Variants in FBXO27 observed in about 807,000 individuals in gnomAD.
FBXO27 encodes the protein F-box only protein 27.
FBXO27 carries 28 observed loss-of-function variants against 28.3 expected under a neutral mutation model. The ratio of observed to expected loss-of-function variants is 0.99; its 90% CI spans 0.73 to 1.36. The LOEUF (loss-of-function observed/expected upper bound fraction) is 1.36, where lower values mean the gene tolerates loss of function less well. Ranked by LOEUF, FBXO27 falls within the 40% of genes most tolerant of loss-of-function variation. FBXO27 has a pLI of 0.00. For missense variants in FBXO27, 388 were observed against 394.1 expected (o/e 0.98, Z 0.13); for synonymous variants, 175 against 167.3 (o/e 1.05, Z -0.36).
chr19:39,022,672 A>C (rs2072851107), downstream of FBXO27, among the ~76,000 whole-genome samples: 1 of 152,016 alleles, frequency 6.6e-6, no homozygotes, highest in Non-Finnish European at 1.5e-5. Flanking sequence ...GCTGGAGTTC[A>C]GTGGAGCGAT....
intron 4 of FBXO27, among the ~76,000 whole-genome samples, chr19:39,028,990 C>T (rs142377430): frequency 0.011 from 1,588 of 144,310 alleles, 34 homozygotes; most frequent in African/African-American, 0.039. Context: ...TGCAGTGAGC[C>T]GAGATCACGC....
downstream of FBXO27, among the ~76,000 whole-genome samples, chr19:39,020,049 C>A (rs1267499877): frequency 6.6e-6 from 1 of 151,982 alleles, no homozygotes; most frequent in Non-Finnish European, 1.5e-5. Flanking sequence ...CACACCTCGC[C>A]TGGTCATGAA....
chr19:39,017,431 C>T (rs1401438103), intron 1 of FBXO27, among the ~76,000 whole-genome samples: 2 of 152,060 alleles, frequency 1.3e-5, no homozygotes, highest in African/African-American at 2.4e-5. Context: ...TAGTAGCTCA[C>T]GCCTGTAATC....
At chr19:39,027,061 C>T in intron 4 of FBXO27, 56 bp from the exon 5 acceptor site, 1 of 1,605,998 alleles carries the variant, frequency 6.2e-7, no homozygotes, top group Non-Finnish European at 8.5e-7. Flanking sequence ...CTTTGGGTGT[C>T]TGCCTACCTT....
chr19:39,030,892 G>A (rs1388349335), intron 4 of FBXO27, 137 bp downstream of exon 4: 17 of 763,096 alleles, frequency 2.2e-5, no homozygotes, highest in Admixed American at 2.0e-4. Flanking sequence ...ATAGGTGTGA[G>A]CCACCATGGC....
chr19:39,012,426 C>T (rs1259318035), intron 2 of FBXO27, among the ~76,000 whole-genome samples: 1 of 151,526 alleles, frequency 6.6e-6, no homozygotes, highest in Non-Finnish European at 1.5e-5. Flanking sequence ...TCAGGAGATC[C>T]ACCCACCTCG....
At chr19:39,016,900 T>C (rs575239873) in intron 1 of FBXO27, among the ~76,000 whole-genome samples, 1 of 151,784 alleles carries the variant, frequency 6.6e-6, no homozygotes, top group Admixed American at 6.6e-5. Context: ...CAAGGGCTTA[T>C]TAGCAAACTA....
intron 2 of FBXO27, among the ~76,000 whole-genome samples, chr19:39,009,621 T>C (rs2072785341): frequency 6.6e-6 from 1 of 152,186 alleles, no homozygotes; most frequent in African/African-American, 2.4e-5. Flanking sequence ...TCAAGTCCTT[T>C]GCCCATTTGA....
chr19:39,030,734 G>C, intron 4 of FBXO27: 1 of 390,242 alleles, frequency 2.6e-6, no homozygotes, highest in South Asian at 2.8e-5. Flanking sequence ...TCCCAAGTAT[G>C]TGGGACTACA....
chr19:39,029,426 C>CA (rs35521168), intron 4 of FBXO27, among the ~76,000 whole-genome samples: 2,554 of 101,708 alleles, frequency 0.025, 139 homozygotes, highest in African/African-American at 0.085. Context: ...GACTCTGTCT[C>CA]AAAAAAAAAA....
Position 39,031,191 on chromosome 19 carries a change from G to A in FBXO27, c.476+18C>T, listed in dbSNP as rs1208701245. 1 of 1,613,568 alleles carries A rather than the reference G, an allele frequency of 6.2e-7. No individual in the cohort carries two copies. Among genetic ancestry groups the A allele is most frequent in the African/African-American group, 1.3e-5 (1 of 74,914 alleles). ...TTCTCAACAAGGGGCCGGACCTTTG[G>A]ATAGCAGGGGCATTCACCTGAATGA... On this transcript the variant is annotated intron_variant, in intron 3 of 5. Transcript: ENST00000292853.
At chr19:39,019,595 G>C (rs2072836180), downstream of FBXO27, among the ~76,000 whole-genome samples, 2 of 151,972 alleles carry the variant, frequency 1.3e-5, no homozygotes, top group South Asian at 4.1e-4. Context: ...AGGATGGTTT[G>C]ATAATTTTAA....
chr19:39,021,669 AT>A (rs71202491), downstream of FBXO27, among the ~76,000 whole-genome samples: 67 of 148,620 alleles, frequency 4.5e-4, no homozygotes, highest in African/African-American at 1.3e-3. Flanking sequence ...TTATACTCAG[AT>A]TTTTTTTTTT....
chr19:39,031,886 A>T lies in FBXO27; in HGVS notation c.342T>A (p.Leu114=). 6.7e-7 allele frequency: 1 copy of T among 1,491,192 alleles called. No individual in the cohort carries two copies. Among genetic ancestry groups the T allele is most frequent in the Non-Finnish European group, 8.8e-7 (1 of 1,131,756 alleles). The allele number at this position is 1,491,192 out of a possible 1,614,324, so 92.4% of individuals were successfully genotyped here. A position where few individuals can be genotyped will look rare whatever the true frequency, so the allele number is the denominator to read the frequency against. ...CACCTTGGCCGCAGGGGTTGCGAAT[A>T]AGGTTGCGTCCGATGGGTCTGCGCG... ...FCARRPIGRN[L]IRNPCGQEGL... The change falls in exon 2 of 6, where the codon CTT becomes CTA. Residue 114 remains leucine, a synonymous_variant. Coordinates refer to ENST00000292853, the MANE Select transcript of FBXO27 (RefSeq NM_178820.5).
Position 39,026,911 on chromosome 19 carries a change from G to A in FBXO27, c.667C>T (p.Pro223Ser), listed in dbSNP as rs1320704648. ...QTVLDKFSAVPDPIPQWNNNA... is the reference protein window; with the variant it reads ...QTVLDKFSAVSDPIPQWNNNA... The stretch of plus-strand genomic sequence containing the variant: ...TTGTTCCACTGCGGGATGGGATCAG[G>A]CACAGCAGAGAATTTATCTAGAACA... Residue 223 changes from proline to serine, a missense_variant, in exon 5 of 6, where the codon CCT (proline) becomes TCT (serine). Physicochemically the swap from Pro to Ser is moderately conservative, Grantham distance 74. Coordinates refer to ENST00000292853, the MANE Select transcript of FBXO27 (RefSeq NM_178820.5). 1 of 1,614,206 alleles carries A rather than the reference G, an allele frequency of 6.2e-7. No individual in the cohort carries two copies. The highest frequency in any genetic ancestry group is 8.5e-7 in the Non-Finnish European group (1 of 1,180,032).
chr19:39,012,679 G>T (rs748609679), intron 2 of FBXO27, among the ~76,000 whole-genome samples: 1 of 151,632 alleles, frequency 6.6e-6, no homozygotes, highest in Non-Finnish European at 1.5e-5. Context: ...GAAAAGAAGC[G>T]GGGCACGATT....
At chr19:39,031,806 C>G in intron 2 of FBXO27, 58 bp downstream of exon 2, 1 of 1,417,534 alleles carries the variant, frequency 7.1e-7, no homozygotes, top group Middle Eastern at 2.6e-4. Flanking sequence ...GCCCCTCCGG[C>G]CCCGCTACCG....
intron 2 of FBXO27, among the ~76,000 whole-genome samples, chr19:39,008,511 A>G (rs1349333384): frequency 6.6e-6 from 1 of 152,142 alleles, no homozygotes; most frequent in Non-Finnish European, 1.5e-5. Flanking sequence ...AAATTCATAC[A>G]ATATATAAAT....
intron 2 of FBXO27, among the ~76,000 whole-genome samples, chr19:39,006,764 C>T (rs1246199583): frequency 1.3e-5 from 2 of 151,876 alleles, no homozygotes; most frequent in African/African-American, 4.8e-5. Flanking sequence ...TCCTAATAAT[C>T]AGGGGACAAC....
Sources: gnomAD v4.1 joint callset for allele counts (sites outside exome capture counted in the v4.1 genomes callset) on GRCh38, gnomAD v4.1.1 for gene constraint, MANE v1.5 for transcripts, NCBI Gene and HGNC (gene_info 2026-07-23, HGNC 2026-07-21) for gene names.